The following SCP2 variants were observed in gnomAD, a reference collection of about 807,000 sequenced individuals.
The protein encoded by SCP2 is sterol carrier protein 2, also known as SCP-2/3-oxoacyl-CoA thiolase.
Under a neutral mutation model 71.4 loss-of-function variants are expected in SCP2, and 48 were observed. The ratio of observed to expected loss-of-function variants is 0.67; its 90% CI spans 0.53 to 0.86. The LOEUF is 0.86. Among genes scored for constraint, SCP2 ranks in the 40% least tolerant of loss-of-function variants. SCP2 has a pLI of 0.00. For synonymous variants in SCP2, 220 were observed against 218.1 expected, an observed-to-expected ratio of 1.01 and a Z score of -0.08; for missense variants, 560 against 655.6, an observed-to-expected ratio of 0.85 and a Z score of 1.59.
Position 52,927,373 on chromosome 1 carries a change from C to T in SCP2, c.-24C>T, listed in dbSNP as rs754517763. On this transcript the variant is annotated 5_prime_UTR_variant, in exon 1 of 16. Transcript: ENST00000371514. ...TGCCGGCAGTCGTCCGCGGCGCCCG[C>T]CCCGGTCCCGCACTGGTGCAGCCAT... 4 of 1,566,224 alleles carry T rather than the reference C, an allele frequency of 2.6e-6. No individual in the cohort carries two copies. Among genetic ancestry groups the T allele is most frequent in the African/African-American group, 2.7e-5 (2 of 74,248 alleles).
chr1:53,037,930 A>ACG (rs1491412643), intron 13 of SCP2, among the ~76,000 whole-genome samples: 93 of 119,714 alleles, frequency 7.8e-4, no homozygotes, highest in Non-Finnish European at 1.5e-3. Context: ...ACACACACAC[A>ACG]GATCCAGATC....
chr1:52,953,594 C>T (rs549488745), intron 4 of SCP2, among the ~76,000 whole-genome samples: 1 of 152,276 alleles, frequency 6.6e-6, no homozygotes, highest in African/African-American at 2.4e-5. Context: ...GATACATCTG[C>T]TTTGGCCTCC....
chr1:52,994,709 T>G (rs1001359150), intron 11 of SCP2: 2 of 705,066 alleles, frequency 2.8e-6, no homozygotes, highest in Admixed American at 4.7e-5. Flanking sequence ...GCAAAAAAAT[T>G]AAAATAAATT....
rs143842502 is a variant in SCP2, at chr1:53,045,720, A to G, written c.1469-2138A>G. Among the ~76,000 whole-genome samples, 37 of 152,328 alleles carry G rather than the reference A, an allele frequency of 2.4e-4. No homozygotes were observed. The East Asian group carries it at 6.9e-3, about 29-fold the overall frequency. ...GGTTAATTGATGTACAATTAACAAT[A>G]AACAATAAAATCAACCCTTTTTAGA... On this transcript the variant is annotated intron_variant, in intron 14 of 15. Coordinates refer to ENST00000371514, the MANE Select transcript of SCP2 (RefSeq NM_002979.5).
chr1:53,014,786 G>A, intron 11 of SCP2, 104 bp from the exon 12 acceptor site: 1 of 1,266,526 alleles, frequency 7.9e-7, no homozygotes, highest in Non-Finnish European at 1.1e-6. Flanking sequence ...ACACAAACGT[G>A]GCCTCGGCTT....
intron 1 of SCP2, among the ~76,000 whole-genome samples, chr1:52,938,592 C>T (rs1653944252): frequency 6.6e-6 from 1 of 152,196 alleles, no homozygotes. Flanking sequence ...ATCTAAAATG[C>T]AAGTCTCGTC....
chr1:52,984,863 C>T (rs1370658962), intron 10 of SCP2, among the ~76,000 whole-genome samples: 1 of 121,010 alleles, frequency 8.3e-6, no homozygotes, highest in Non-Finnish European at 1.7e-5. Context: ...TTTTCCGAGA[C>T]AGTTTTGCTC....
intron 11 of SCP2, among the ~76,000 whole-genome samples, chr1:53,010,098 G>T (rs1660886214): frequency 6.6e-6 from 1 of 152,178 alleles, no homozygotes; most frequent in Admixed American, 6.5e-5. Context: ...ACACCAGTTA[G>T]AATGGTGATC....
chr1:53,020,886 C>T (rs74637396), intron 12 of SCP2, among the ~76,000 whole-genome samples: 20,854 of 152,022 alleles, frequency 0.14, 2,027 homozygotes, highest in East Asian at 0.32. Flanking sequence ...CTGAAACTTA[C>T]GCGTACTGTA....
At chr1:52,951,031 A>T in intron 4 of SCP2, 145 bp downstream of exon 4, 1 of 921,926 alleles carries the variant, frequency 1.1e-6, no homozygotes, top group Non-Finnish European at 1.7e-6. Context: ...TTGTAACCCT[A>T]GCACTTTGGG....
chr1:52,963,328 A>C (rs778950676), intron 6 of SCP2, among the ~76,000 whole-genome samples: 11 of 151,860 alleles, frequency 7.2e-5, no homozygotes, highest in Non-Finnish European at 1.5e-4. Flanking sequence ...TGATATACAC[A>C]GCCAAGCACA....
At chr1:52,933,610 G>C (rs1031254675) in intron 1 of SCP2, among the ~76,000 whole-genome samples, 2 of 152,142 alleles carry the variant, frequency 1.3e-5, no homozygotes, top group Admixed American at 6.5e-5. Flanking sequence ...TGTATCATTG[G>C]ATAATTAAAT....
intron 11 of SCP2, chr1:52,995,141 T>C (rs1659834610): frequency 1.0e-5 from 5 of 496,100 alleles, no homozygotes; most frequent in South Asian, 3.2e-5. Flanking sequence ...ACCCACTCAA[T>C]GGGCTCTGGA....
At chr1:53,023,997 G>A (rs539380657) in intron 12 of SCP2, among the ~76,000 whole-genome samples, 10 of 152,076 alleles carry the variant, frequency 6.6e-5, no homozygotes, top group South Asian at 4.2e-4. Flanking sequence ...CTCTTTCTTC[G>A]CTTGAGTCTC....
chr1:52,952,568 C>T (rs1378668371), intron 4 of SCP2, among the ~76,000 whole-genome samples: 1 of 151,810 alleles, frequency 6.6e-6, no homozygotes, highest in Non-Finnish European at 1.5e-5. Flanking sequence ...TTTTTGTTTC[C>T]ATCAGTTGAG....
chr1:53,045,954 GC>G (rs140444473), intron 14 of SCP2, among the ~76,000 whole-genome samples: 15,855 of 147,880 alleles, frequency 0.11, 1,302 homozygotes, highest in African/African-American at 0.24. Flanking sequence ...ACAGTATGTA[GC>G]TTTTTGAGCC....
chr1:53,009,193 C>T (rs1037173926), intron 11 of SCP2, among the ~76,000 whole-genome samples: 2 of 152,098 alleles, frequency 1.3e-5, no homozygotes, highest in African/African-American at 4.8e-5. Flanking sequence ...TGAAAATGGC[C>T]GTACTGCCCA....
intron 11 of SCP2, among the ~76,000 whole-genome samples, chr1:53,008,284 C>T (rs551096499): frequency 6.6e-6 from 1 of 152,196 alleles, no homozygotes; most frequent in East Asian, 1.9e-4. Context: ...ATTTATGAGG[C>T]CAGCATCATC....
intron 15 of SCP2, chr1:53,048,402 T>C (rs1663974487): frequency 4.2e-6 from 1 of 237,150 alleles, no homozygotes; most frequent in Non-Finnish European, 8.6e-6. Flanking sequence ...CTCTTCTTTT[T>C]GCCTGACCTG....
Sources: gnomAD v4.1 joint callset for allele counts (sites outside exome capture counted in the v4.1 genomes callset) on GRCh38, gnomAD v4.1.1 for gene constraint, MANE v1.5 for transcripts, NCBI Gene and HGNC (gene_info 2026-07-23, HGNC 2026-07-21) for gene names.